Variants in ERN2 observed in about 807,000 individuals in gnomAD.
ERN2 encodes serine/threonine-protein kinase/endoribonuclease IRE2.
In ERN2, 111 loss-of-function variants were observed where a neutral mutation model predicts 107.9. That is an observed-to-expected ratio of 1.03 (90% CI 0.88 to 1.20). The LOEUF (loss-of-function observed/expected upper bound fraction) is 1.20, where lower values mean the gene tolerates loss of function less well. Among genes scored for constraint, ERN2 ranks in the 50% most tolerant of loss-of-function variants. The pLI, the probability that ERN2 is intolerant of heterozygous loss-of-function variation, is 0.00. For missense variants in ERN2, 1,225 were observed against 1,197.9 expected (o/e 1.02, Z -0.33); for synonymous variants, 524 against 501.7 (o/e 1.04, Z -0.59).
chr16:23,702,258 G>A lies in ERN2; in HGVS notation c.1097C>T (p.Pro366Leu), dbSNP rs1442264648. ...CAGCATGGTGGTGTGCAGGACTGGG[G>A]GTAGCTCGTGGTGTCCTAAGGTGGG... is the stretch of plus-strand genomic sequence containing the variant. Reference protein sequence around the residue: ...QWLLIGHHELPPVLHTTMLRV... With the variant: ...QWLLIGHHELLPVLHTTMLRV... The change falls in exon 11 of 22, where the codon CCC becomes CTC. Residue 366 changes from proline to leucine, a missense_variant. By Grantham distance (98) the Pro-to-Leu change is moderately conservative. Transcript: ENST00000256797. 6.2e-7 allele frequency: 1 copy of A among 1,614,152 alleles called. No homozygotes were observed.
Position 23,690,611 on chromosome 16 carries a change from T to A in ERN2, c.*220A>T. On this transcript the variant is annotated 3_prime_UTR_variant, in exon 22 of 22. Transcript: ENST00000256797. ...CTGGGACTACAGGCGTGCGCCACCA[T>A]GCCTGGCTAATTTTACAAATTTTTT... 2 of 570,818 alleles carry A rather than the reference T, an allele frequency of 3.5e-6. No homozygotes were observed. Among genetic ancestry groups the A allele is most frequent in the Non-Finnish European group, 3.1e-6 (1 of 318,744 alleles). 35.4% of individuals were successfully genotyped at this position (570,818 alleles called of 1,614,324 possible). A position where few individuals can be genotyped will look rare whatever the true frequency, so the allele number is the denominator to read the frequency against.
rs774545374 is a variant in ERN2, at chr16:23,695,981, G to A, written c.1526-3C>T. ...CCCCACTACGGTGAGTTGCTCAGCT[G>A]GGGGAGAGGAGGGTGGTGACTCAGG... On this transcript the variant is annotated splice_polypyrimidine_tract_variant and splice_region_variant and intron_variant, in intron 13 of 21. Transcript: ENST00000256797. 3 of 1,612,932 alleles carry A rather than the reference G, an allele frequency of 1.9e-6. No homozygotes were observed. Among genetic ancestry groups the A allele is most frequent in the Non-Finnish European group, 2.5e-6 (3 of 1,178,998 alleles).
At position 23,695,102 on chromosome 16, in the gene ERN2, T is replaced by C; in HGVS notation, c.1817A>G (p.Asp606Gly). 2 of 1,613,860 alleles carry C rather than the reference T, an allele frequency of 1.2e-6. No homozygotes were observed. Among genetic ancestry groups the C allele is most frequent in the Non-Finnish European group, 1.7e-6 (2 of 1,179,940 alleles). Residue 606 changes from aspartate to glycine, a missense_variant, in exon 16 of 22, where the codon GAC (aspartate) becomes GGC (glycine). Asp to Gly is a moderately conservative substitution (Grantham distance 94, BLOSUM62 -1). Transcript: ENST00000256797. ...ASLQEYVENP[D>G]LDRGGLEPEV... ...GGGCTCCAGACCCCCGCGATCCAGG[T>C]CCGGGTTTTCTACGTACTGAGCAGC... is the stretch of plus-strand genomic sequence containing the variant.
In ERN2 at chr16:23,691,386, G is replaced by T. The variant is rs775126897; in HGVS notation, c.2416C>A (p.Pro806Thr). 10 of 1,600,972 alleles carry T rather than the reference G, an allele frequency of 6.2e-6. No homozygotes were observed. The South Asian group carries it at 1.1e-4, about 18-fold the overall frequency. ...CCCGCCTCCAGTGCCCTCACCAGGG[G>T]CTCCTGCTCGGACTCCTTCTCCAGC... The part of the protein sequence containing the change: ...DWLEKESEQE[P>T]LVRALEAGGC... The change falls in exon 20 of 22, where the codon CCC (proline) becomes ACC (threonine). Residue 806 changes from proline (P) to threonine (T), a missense_variant. Physicochemically the swap from Pro to Thr is conservative, Grantham distance 38. Transcript: ENST00000256797.
At chr16:23,696,035 G>A (rs1423505152) in intron 13 of ERN2, 57 bp from the exon 14 acceptor site, 1 of 1,332,970 alleles carries the variant, frequency 7.5e-7, no homozygotes, top group East Asian at 2.3e-5. Context: ...GCCGGCCACT[G>A]GCCCAGTCCA....
At chr16:23,707,142 G>A in intron 4 of ERN2, 63 bp from the exon 5 acceptor site, 1 of 1,147,562 alleles carries the variant, frequency 8.7e-7, no homozygotes, top group Non-Finnish European at 1.3e-6. Flanking sequence ...CACTGTGCCA[G>A]GTGAGCCCAT....
Position 23,707,031 on chromosome 16 carries a change from T to C in ERN2, c.355A>G (p.Ser119Gly). Residue 119 changes from serine to glycine, a missense_variant, in exon 5 of 22, where the codon AGC becomes GGC. Transcript: ENST00000256797. ...PELVHASPCR[S>G]SDGVFYTGRK... Reference sequence around the variant, plus strand: ...CCTGTGTAGAAGACCCCATCAGAGCTGCGGCAGGGAGAGGCATGAACCAGC... The same window carrying C: ...CCTGTGTAGAAGACCCCATCAGAGCCGCGGCAGGGAGAGGCATGAACCAGC... The C allele has an allele frequency of 6.2e-7, 1 of 1,614,060 alleles. No individual in the cohort carries two copies. The highest frequency in any genetic ancestry group is 1.6e-4 in the Middle Eastern group (1 of 6,062).
At chr16:23,695,722 CAAAAAAAAAA>C (rs57103138) in intron 14 of ERN2, among the ~76,000 whole-genome samples, 162 bp downstream of exon 14, 2 of 37,374 alleles carry the variant, frequency 5.4e-5, no homozygotes, top group Non-Finnish European at 1.1e-4. Flanking sequence ...GAGCAAGACT[CAAAAAAAAAA>C]AAAAAAAAAA....
At position 23,692,181 on chromosome 16, in the gene ERN2, C is replaced by A; in HGVS notation, c.2248+3G>T. On this transcript the variant is annotated splice_donor_region_variant and intron_variant, in intron 18 of 21. Coordinates refer to ENST00000256797, the MANE Select transcript of ERN2 (RefSeq NM_033266.4). The stretch of plus-strand genomic sequence containing the variant: ...TTCTCTGCCCTGCCCAGGGCTCCCT[C>A]ACCGTGGACCTCTTCCTCCAGGTGA... 3 of 1,614,140 alleles carry A rather than the reference C, an allele frequency of 1.9e-6. No individual in the cohort carries two copies. Among genetic ancestry groups the A allele is most frequent in the Non-Finnish European group, 2.5e-6 (3 of 1,180,042 alleles).
In ERN2 at chr16:23,691,941, A is replaced by G. The variant is rs776077321; in HGVS notation, c.2376+22T>C. The G allele has an allele frequency of 4.4e-6, 7 of 1,606,696 alleles. No homozygotes were observed. The Admixed American group carries it at 5.2e-5, about 12-fold the overall frequency. ...CCCAAACTTAGGACTTTTGGGGGCC[A>G]TTCCCAAGCTTTCCTTCTGACCTGG... On this transcript the variant is annotated intron_variant, in intron 19 of 21. Coordinates refer to ENST00000256797, the MANE Select transcript of ERN2 (RefSeq NM_033266.4).
At chr16:23,692,443 C>CT in intron 17 of ERN2, 112 bp from the exon 18 acceptor site, 1 of 1,075,798 alleles carries the variant, frequency 9.3e-7, no homozygotes, top group South Asian at 1.5e-5. Context: ...CAGACTGGAA[C>CT]TCAAGATGCT....
At chr16:23,710,456 C>A in intron 3 of ERN2, 60 bp downstream of exon 3, 6 of 1,559,254 alleles carry the variant, frequency 3.8e-6, no homozygotes, top group Non-Finnish European at 5.3e-6. Context: ...TCTCTCCAGA[C>A]AACTATGAGT....
intron 13 of ERN2, 108 bp from the exon 14 acceptor site, chr16:23,696,086 T>TGTGGGTAA: frequency 1.3e-6 from 1 of 785,130 alleles, no homozygotes; most frequent in Non-Finnish European, 2.2e-6. Flanking sequence ...CCTCCCATGC[T>TGTGGGTAA]CAGCCTGGTG....
In ERN2 at chr16:23,691,200, TGGACAG is replaced by T; in HGVS notation, c.2501-10_2501-5del. On this transcript the variant is annotated splice_region_variant and splice_polypyrimidine_tract_variant and intron_variant, in intron 20 of 21. Coordinates refer to ENST00000256797, the MANE Select transcript of ERN2 (RefSeq NM_033266.4). The stretch of plus-strand genomic sequence containing the variant: ...TAGGACCGGAACTTTCTCAGATCTG[TGGACAG>T]GGAATTCAGTGGCAAAACCGTCCCT... The T allele has an allele frequency of 3.1e-6, 5 of 1,613,906 alleles. No individual in the cohort carries two copies. Among genetic ancestry groups the T allele is most frequent in the Non-Finnish European group, 4.2e-6 (5 of 1,179,950 alleles).
In ERN2 at chr16:23,695,019, C is replaced by T. The variant is rs868797379; in HGVS notation, c.1900G>A (p.Val634Met). 1 of 1,613,104 alleles carries T rather than the reference C, an allele frequency of 6.2e-7. No homozygotes were observed. Among genetic ancestry groups the T allele is most frequent in the African/African-American group, 1.3e-5 (1 of 74,906 alleles). ...GLAHLHSLHI[V>M]HRDLKPGNIL... Reference sequence around the variant, plus strand: ...CGGGAGGCAGGGGAAGTGCGGGTACCTATGTGTAAAGAGTGCAGGTGGGCC... The same window carrying T: ...CGGGAGGCAGGGGAAGTGCGGGTACTTATGTGTAAAGAGTGCAGGTGGGCC... The change falls in exon 16 of 22, where the codon GTG becomes ATG. Residue 634 changes from valine (V) to methionine (M), a missense_variant and splice_region_variant. By Grantham distance (21) the Val-to-Met change is conservative. Transcript: ENST00000256797.
At chr16:23,702,050 C>A (rs536822022) in intron 11 of ERN2, 102 bp downstream of exon 11, 5 of 1,247,906 alleles carry the variant, frequency 4.0e-6, no homozygotes, top group South Asian at 1.5e-5. Context: ...ATTGACCCAC[C>A]CCCGAGTGTT....
chr16:23,695,478 C>T (rs1349640041), intron 14 of ERN2, 89 bp from the exon 15 acceptor site: 6 of 1,353,356 alleles, frequency 4.4e-6, no homozygotes, highest in African/African-American at 2.9e-5. Context: ...GTAATCCTAG[C>T]ACTTTGGGAG....
chr16:23,698,463 T>C (rs1156446564), intron 13 of ERN2, among the ~76,000 whole-genome samples: 1 of 152,232 alleles, frequency 6.6e-6, no homozygotes, highest in Non-Finnish European at 1.5e-5. Flanking sequence ...TTATCCCTGG[T>C]TCAGGCTGGA....
At chr16:23,709,418 T>C (rs948841800) in intron 4 of ERN2, 1 of 286,378 alleles carries the variant, frequency 3.5e-6, no homozygotes, top group Non-Finnish European at 7.0e-6. Context: ...TGTATTCATG[T>C]CTGTGTCTGT....
Sources: allele counts gnomAD v4.1 joint callset (sites outside exome capture counted in the v4.1 genomes callset), GRCh38; gene constraint gnomAD v4.1.1; transcripts MANE v1.5; gene names NCBI Gene and HGNC (gene_info 2026-07-23, HGNC 2026-07-21).